The following FAM135B variants were observed in gnomAD, a reference collection of about 807,000 sequenced individuals.
FAM135B encodes the protein family with sequence similarity 135 member B.
Under a neutral mutation model 127.7 loss-of-function variants are expected in FAM135B, and 43 were observed. The observed-to-expected ratio is 0.34, with a 90% CI of 0.26 to 0.43. The LOEUF is 0.43. Ranked by LOEUF, FAM135B falls within the 20% of genes least tolerant of loss-of-function variation. FAM135B has a pLI of 1.00. For missense variants in FAM135B, 1,558 were observed against 1,725.6 expected (o/e 0.90, Z 1.72); for synonymous variants, 670 against 665.1 (o/e 1.01, Z -0.11).
rs775420185 is a variant in FAM135B, at chr8:138,152,197, G to C, written c.2278C>G (p.Arg760Gly). ...ISSLPFEEDE[R>G]EVALTKLTKS... ...GTTAACTTAGTGAGTGCCACCTCCCGCTCATCCTCCTCAAAAGGTAAAGAG... is the reference window on the plus strand; with the variant it reads ...GTTAACTTAGTGAGTGCCACCTCCCCCTCATCCTCCTCAAAAGGTAAAGAG... Residue 760 changes from arginine to glycine, a missense_variant, in exon 13 of 20, where the codon CGG becomes GGG. Physicochemically the swap from Arg to Gly is moderately radical, Grantham distance 125. Around this residue, in one of 5 missense-constraint regions of FAM135B, gnomAD observed 923 missense variants for 865.3 expected, o/e 1.07. Coordinates refer to ENST00000395297, the MANE Select transcript of FAM135B (RefSeq NM_015912.4). 1 of 1,614,034 alleles carries C rather than the reference G, an allele frequency of 6.2e-7. No homozygotes were observed. Among genetic ancestry groups the C allele is most frequent in the Non-Finnish European group, 8.5e-7 (1 of 1,180,010 alleles).
intron 11 of FAM135B, among the ~76,000 whole-genome samples, chr8:138,171,927 T>C (rs1397002668): frequency 6.6e-6 from 1 of 152,150 alleles, no homozygotes; most frequent in Non-Finnish European, 1.5e-5. Context: ...CATATCTGTG[T>C]TTATACAGGT....
intron 1 of FAM135B, among the ~76,000 whole-genome samples, chr8:138,415,388 C>T (rs1328168963): frequency 1.3e-5 from 2 of 152,142 alleles, no homozygotes; most frequent in South Asian, 2.1e-4. Flanking sequence ...ACTCTGACCT[C>T]ACAACACTCT....
At chr8:138,202,374 T>A (rs1817208555) in intron 7 of FAM135B, among the ~76,000 whole-genome samples, 1 of 152,132 alleles carries the variant, frequency 6.6e-6, no homozygotes, top group Non-Finnish European at 1.5e-5. Flanking sequence ...TCCAGTCTCC[T>A]GAGTAGCTGG....
chr8:138,368,620 T>C (rs1830917662), intron 1 of FAM135B, among the ~76,000 whole-genome samples: 1 of 152,164 alleles, frequency 6.6e-6, no homozygotes, highest in South Asian at 2.1e-4. Flanking sequence ...TGGAGCAATA[T>C]CAAGCGTGGC....
chr8:138,320,840 T>C (rs2130942821), intron 2 of FAM135B, among the ~76,000 whole-genome samples: 1 of 152,304 alleles, frequency 6.6e-6, no homozygotes, highest in South Asian at 2.1e-4. Context: ...TACAATTCAA[T>C]CCTACTATAC....
At chr8:138,406,918 G>C (rs1182712232) in intron 1 of FAM135B, among the ~76,000 whole-genome samples, 4 of 151,200 alleles carry the variant, frequency 2.6e-5, no homozygotes, top group Non-Finnish European at 5.9e-5. Flanking sequence ...AGGGCAATTA[G>C]GCAGAAGGAA....
chr8:138,154,138 T>G (rs561619716), intron 12 of FAM135B, among the ~76,000 whole-genome samples: 1 of 152,302 alleles, frequency 6.6e-6, no homozygotes, highest in East Asian at 1.9e-4. Context: ...TAATATTTGC[T>G]GTTCTGCAGC....
intron 1 of FAM135B, among the ~76,000 whole-genome samples, chr8:138,480,738 T>A (rs573128451): frequency 1.6e-3 from 250 of 152,328 alleles, no homozygotes; most frequent in African/African-American, 5.7e-3. Flanking sequence ...TGTCCTAGTT[T>A]GCACTGATTG....
chr8:138,169,303 G>A (rs9694475), intron 11 of FAM135B, among the ~76,000 whole-genome samples: 10 of 148,134 alleles, frequency 6.8e-5, no homozygotes, highest in African/African-American at 1.6e-4. Flanking sequence ...CTGAATTCTC[G>A]GAATATTTAA....
chr8:138,487,307 A>G (rs1039901050), intron 1 of FAM135B, among the ~76,000 whole-genome samples: 5 of 152,094 alleles, frequency 3.3e-5, no homozygotes, highest in Non-Finnish European at 7.4e-5. Context: ...CTGGTCACGG[A>G]GGACTTAGGA....
At chr8:138,309,041 T>C (rs747733896) in intron 3 of FAM135B, 1 of 447,660 alleles carries the variant, frequency 2.2e-6, no homozygotes, top group African/African-American at 2.0e-5. Context: ...CTCTGTGAAA[T>C]AGAAAGTGTC....
At chr8:138,348,057 T>C (rs1014742974) in intron 2 of FAM135B, among the ~76,000 whole-genome samples, 29 of 151,804 alleles carry the variant, frequency 1.9e-4, no homozygotes, top group Non-Finnish European at 2.4e-4. Context: ...GAGGTCCTCA[T>C]GTTCCAAGGA....
intron 3 of FAM135B, among the ~76,000 whole-genome samples, chr8:138,308,662 C>G (rs879459657): frequency 6.6e-6 from 1 of 151,872 alleles, no homozygotes; most frequent in East Asian, 1.9e-4. Flanking sequence ...CTCTGTGCAG[C>G]ACTATCTCAA....
chr8:138,446,692 C>A (rs1222988426), intron 1 of FAM135B, among the ~76,000 whole-genome samples: 7 of 151,762 alleles, frequency 4.6e-5, no homozygotes, highest in Non-Finnish European at 1.0e-4. Flanking sequence ...GACCTAAAAC[C>A]ATAAAAACCC....
intron 11 of FAM135B, among the ~76,000 whole-genome samples, chr8:138,171,209 G>A (rs570050774): frequency 6.6e-6 from 1 of 152,156 alleles, no homozygotes; most frequent in East Asian, 1.9e-4. Flanking sequence ...ATATCCTATG[G>A]GTTCTGTCTC....
At chr8:138,480,510 G>A (rs1814729685) in intron 1 of FAM135B, among the ~76,000 whole-genome samples, 1 of 152,122 alleles carries the variant, frequency 6.6e-6, no homozygotes, top group Non-Finnish European at 1.5e-5. Flanking sequence ...CAATATTCAA[G>A]TTGTCCACAC....
intron 7 of FAM135B, among the ~76,000 whole-genome samples, chr8:138,216,773 C>A (rs531024718): frequency 2.6e-5 from 4 of 152,302 alleles, no homozygotes; most frequent in Admixed American, 2.6e-4. Flanking sequence ...GATTAATCCA[C>A]AGGAATCTTT....
chr8:138,333,700 C>T (rs568062276), intron 2 of FAM135B, among the ~76,000 whole-genome samples: 1 of 152,300 alleles, frequency 6.6e-6, no homozygotes, highest in Non-Finnish European at 1.5e-5. Context: ...AGCAGTCCCT[C>T]AAGACATGAA....
intron 1 of FAM135B, among the ~76,000 whole-genome samples, chr8:138,418,005 A>T (rs1417252907): frequency 6.6e-6 from 1 of 152,180 alleles, no homozygotes; most frequent in Non-Finnish European, 1.5e-5. Context: ...GATTATCATC[A>T]AGTTTCAGGA....
Sources: allele counts gnomAD v4.1 joint callset (sites outside exome capture counted in the v4.1 genomes callset), GRCh38; gene constraint gnomAD v4.1.1; regional missense constraint gnomAD v4.1.1; transcripts MANE v1.5; gene names NCBI Gene and HGNC (gene_info 2026-07-23, HGNC 2026-07-21).